The following CSMD1 variants were observed in gnomAD, a reference collection of about 807,000 sequenced individuals.
CSMD1 encodes the protein CUB and Sushi multiple domains 1, also known as CUB and sushi domain-containing protein 1.
A neutral mutation model predicts 417.5 loss-of-function variants in CSMD1; 213 were observed. The ratio of observed to expected loss-of-function variants is 0.51; its 90% CI spans 0.46 to 0.57. CSMD1 has a LOEUF of 0.57. Ranked by LOEUF, CSMD1 falls within the 20% of genes least tolerant of loss-of-function variation. The pLI is 0.00. For synonymous variants in CSMD1, 2,862 were observed against 1,736.8 expected, an observed-to-expected ratio of 1.65 and a Z score of -16.11; for missense variants, 6,923 against 4,529.7, an observed-to-expected ratio of 1.53 and a Z score of -15.17.
intron 26 of CSMD1, among the ~76,000 whole-genome samples, chr8:3,276,645 A>G (rs1258438809): frequency 6.6e-6 from 1 of 152,166 alleles, no homozygotes; most frequent in Non-Finnish European, 1.5e-5. Flanking sequence ...GGACACAGCC[A>G]AACCGTATCA....
intron 5 of CSMD1, among the ~76,000 whole-genome samples, chr8:3,899,202 A>G (rs922205732): frequency 5.9e-5 from 9 of 152,186 alleles, no homozygotes; most frequent in Non-Finnish European, 1.2e-4. Context: ...CCAATCAACA[A>G]TGAACACAGG....
chr8:3,844,201 G>C (rs990445717), intron 5 of CSMD1, among the ~76,000 whole-genome samples: 1 of 152,186 alleles, frequency 6.6e-6, no homozygotes, highest in East Asian at 1.9e-4. Flanking sequence ...TCTTTAAGAA[G>C]GGTGTTGAAG....
chr8:4,700,654 T>C (rs1807467435), intron 1 of CSMD1, among the ~76,000 whole-genome samples: 1 of 152,122 alleles, frequency 6.6e-6, no homozygotes, highest in African/African-American at 2.4e-5. Context: ...TGAAAGTAAC[T>C]GGACACATAA....
intron 1 of CSMD1, among the ~76,000 whole-genome samples, chr8:4,834,665 G>T (rs1282146552): frequency 1.3e-5 from 2 of 149,742 alleles, no homozygotes; most frequent in African/African-American, 4.9e-5. Flanking sequence ...GAATTAAAAG[G>T]AAAAAAAAAG....
rs116021378 is a variant in CSMD1, at chr8:4,732,292, C to A, written c.86-94734G>T. Among the ~76,000 whole-genome samples the A allele has an allele frequency of 4.5e-3, 684 of 151,410 alleles. 5 individuals are homozygous for A. Among genetic ancestry groups the A allele is most frequent in the African/African-American group, 0.016 (659 of 41,202 alleles). On this transcript the variant is annotated intron_variant, in intron 1 of 69. Coordinates refer to ENST00000635120, the MANE Select transcript of CSMD1 (RefSeq NM_033225.6). The stretch of plus-strand genomic sequence containing the variant: ...AGACACTCTGCTAGATTCTAGAAAC[C>A]TTAATGTTAAATTAAGACACCTGAA...
chr8:4,082,742 C>G (rs1209230844), intron 3 of CSMD1, among the ~76,000 whole-genome samples: 2 of 149,204 alleles, frequency 1.3e-5, no homozygotes, highest in Admixed American at 6.7e-5. Flanking sequence ...TTAGGTATAT[C>G]TCCTGATGCT....
chr8:4,243,263 T>C (rs553463385), intron 3 of CSMD1, among the ~76,000 whole-genome samples: 219 of 152,296 alleles, frequency 1.4e-3, no homozygotes, highest in African/African-American at 4.5e-3. Flanking sequence ...GGTATTTTCT[T>C]ACCTAGTCTC....
chr8:3,476,845 G>A (rs901462926), intron 11 of CSMD1, among the ~76,000 whole-genome samples: 5 of 150,108 alleles, frequency 3.3e-5, no homozygotes, highest in African/African-American at 1.2e-4. Context: ...TTGAACCTGG[G>A]AAGCAGAGGT....
chr8:4,768,716 C>G (rs1796449490), intron 1 of CSMD1, among the ~76,000 whole-genome samples: 1 of 152,126 alleles, frequency 6.6e-6, no homozygotes, highest in Non-Finnish European at 1.5e-5. Flanking sequence ...CACTGGAGCA[C>G]CAAACTCCCC....
At chr8:3,751,458 C>T (rs974419825) in intron 6 of CSMD1, among the ~76,000 whole-genome samples, 13 of 147,554 alleles carry the variant, frequency 8.8e-5, no homozygotes, top group African/African-American at 2.7e-4. Flanking sequence ...AATGTTTATA[C>T]TTAAATATAT....
At chr8:3,953,907 C>A (rs1205632105) in intron 5 of CSMD1, among the ~76,000 whole-genome samples, 1 of 152,190 alleles carries the variant, frequency 6.6e-6, no homozygotes, top group Admixed American at 6.5e-5. Flanking sequence ...GTGCTCTGGG[C>A]CACTGTCTGG....
intron 1 of CSMD1, among the ~76,000 whole-genome samples, chr8:4,706,388 A>T (rs2617056): frequency 0.32 from 48,353 of 152,010 alleles, 8,511 homozygotes; most frequent in Non-Finnish European, 0.4. Context: ...CGTTATCTGC[A>T]GACAAAAAGT....
chr8:4,680,657 G>T (rs1028244898), intron 1 of CSMD1, among the ~76,000 whole-genome samples: 2 of 152,070 alleles, frequency 1.3e-5, no homozygotes, highest in Admixed American at 6.6e-5. Flanking sequence ...TTGGCTCACT[G>T]CAACCTCTGC....
chr8:3,380,454 G>T (rs1432229581), intron 18 of CSMD1, among the ~76,000 whole-genome samples: 1 of 152,068 alleles, frequency 6.6e-6, no homozygotes, highest in Admixed American at 6.6e-5. Context: ...GTTTATTGCA[G>T]CCCTGTTCAC....
Position 3,018,556 on chromosome 8 carries a change from G to A in CSMD1, c.7950C>T (p.Thr2650=), listed in dbSNP as rs371925530. The A allele has an allele frequency of 3.3e-5, 54 of 1,613,324 alleles. No individual in the cohort carries two copies. The Middle Eastern group carries it at 1.5e-3, about 44-fold the overall frequency. The part of the protein sequence containing the change: ...YGATAIFTCN[T]GYTLVGSHVR... ...CATGAGACCCCACAAGCGTGTAGCCGGTGTTGCACGTAAATATAGCTGTGG... is the reference window on the plus strand; with the variant it reads ...CATGAGACCCCACAAGCGTGTAGCCAGTGTTGCACGTAAATATAGCTGTGG... The change falls in exon 52 of 70, where the codon ACC becomes ACT. Residue 2650 remains threonine, a synonymous_variant. Transcript: ENST00000635120.
At chr8:3,261,089 C>T (rs1801028586) in intron 26 of CSMD1, among the ~76,000 whole-genome samples, 1 of 152,096 alleles carries the variant, frequency 6.6e-6, no homozygotes, top group Non-Finnish European at 1.5e-5. Context: ...AATTAGTAGC[C>T]ATTAAGCAAA....
intron 3 of CSMD1, among the ~76,000 whole-genome samples, chr8:4,363,858 G>T (rs890640505): frequency 4.6e-5 from 7 of 152,000 alleles, no homozygotes; most frequent in Admixed American, 2.0e-4. Context: ...CAAAACAATA[G>T]AACTCATGGA....
intron 3 of CSMD1, among the ~76,000 whole-genome samples, chr8:4,293,691 C>G (rs944008740): frequency 8.5e-5 from 13 of 152,134 alleles, no homozygotes; most frequent in East Asian, 3.9e-4. Context: ...TATCTCATTA[C>G]TTAGAATTGC....
In CSMD1 at chr8:3,164,022, T is replaced by C. The variant is rs185751161; in HGVS notation, c.5726-1745A>G. 1.6e-3 allele frequency among the ~76,000 whole-genome samples: 241 copies of C among 152,336 alleles called. No homozygotes were observed. In the Middle Eastern group the frequency reaches 0.027, roughly 17 times the overall value. ...AGCCTGTAAGAGATGTGTTCACCAG[T>C]GCCGACCCCAGATCTGCTGAGTCGG... On this transcript the variant is annotated intron_variant, in intron 37 of 69. Transcript: ENST00000635120.
Sources: gnomAD v4.1 joint callset for allele counts (sites outside exome capture counted in the v4.1 genomes callset) on GRCh38, gnomAD v4.1.1 for gene constraint, MANE v1.5 for transcripts, NCBI Gene and HGNC (gene_info 2026-07-23, HGNC 2026-07-21) for gene names.